RFTN1: variants seen among roughly 807,000 people sequenced by gnomAD.
RFTN1 encodes raftlin, lipid raft linker 1.
Under a neutral mutation model 46.5 loss-of-function variants are expected in RFTN1, and 26 were observed. The observed-to-expected ratio is 0.56, with a 90% CI of 0.41 to 0.78. The LOEUF is 0.78. RFTN1 is among the 30% of genes least tolerant of loss of function. The pLI, the probability that RFTN1 is intolerant of heterozygous loss-of-function variation, is 0.00. For synonymous variants in RFTN1, 261 were observed against 284.2 expected (o/e 0.92, Z 0.82); for missense variants, 693 against 718.7 (o/e 0.96, Z 0.41).
At chr3:16,461,891 T>A (rs1440130961) in intron 2 of RFTN1, among the ~76,000 whole-genome samples, 1 of 152,242 alleles carries the variant, frequency 6.6e-6, no homozygotes, top group Non-Finnish European at 1.5e-5. Flanking sequence ...CTCCATTATC[T>A]GGCAGATTAA....
Position 16,504,652 on chromosome 3 carries a change from C to T in RFTN1, c.-9+8790G>A, listed in dbSNP as rs142616497. Among the ~76,000 whole-genome samples, 115 of 152,314 alleles carry T rather than the reference C, an allele frequency of 7.6e-4. 1 individual carries two copies. In the Middle Eastern group the frequency reaches 0.017, roughly 23 times the overall value. On this transcript the variant is annotated intron_variant, in intron 1 of 9. Coordinates refer to ENST00000334133, the MANE Select transcript of RFTN1 (RefSeq NM_015150.2). This position sits in a 1 kb window ranked among gnomAD's most constrained non-coding sequence, Gnocchi z 4.4. ...TATGTATGCTCAAAAAAGTTACTTA[C>T]ATGCTATTGTCTCTCCCTTAGCACT...
At chr3:16,372,563 G>C (rs1021709312) in intron 5 of RFTN1, among the ~76,000 whole-genome samples, 3 of 152,230 alleles carry the variant, frequency 2.0e-5, no homozygotes, top group African/African-American at 7.2e-5. Flanking sequence ...CTCTGTGTGG[G>C]AGAAGTAGGT....
chr3:16,416,989 C>A (rs1374901411), intron 3 of RFTN1, among the ~76,000 whole-genome samples: 1 of 150,476 alleles, frequency 6.6e-6, no homozygotes, highest in Non-Finnish European at 1.5e-5. Context: ...TACCCATTTC[C>A]AGAACTTGTT....
chr3:16,406,151 C>T (rs1248352806), intron 4 of RFTN1, among the ~76,000 whole-genome samples: 1 of 152,162 alleles, frequency 6.6e-6, no homozygotes, highest in Non-Finnish European at 1.5e-5. Flanking sequence ...GGAATAGCCA[C>T]GGGTGTTGGA....
chr3:16,411,860 C>A (rs1236260971), intron 3 of RFTN1, among the ~76,000 whole-genome samples: 1 of 152,166 alleles, frequency 6.6e-6, no homozygotes, highest in Non-Finnish European at 1.5e-5. Context: ...AAACTATAAT[C>A]ATTTTAAATA....
rs929300851 is a variant in RFTN1, at chr3:16,429,530, T to C, written c.332+4321A>G. Among the ~76,000 whole-genome samples the C allele has an allele frequency of 1.3e-5, 2 of 152,214 alleles. No individual in the cohort carries two copies. The highest frequency in any genetic ancestry group is 2.9e-5 in the Non-Finnish European group (2 of 68,026). On this transcript the variant is annotated intron_variant, in intron 3 of 9. Coordinates refer to ENST00000334133, the MANE Select transcript of RFTN1 (RefSeq NM_015150.2). This position sits in a 1 kb window ranked among gnomAD's most constrained non-coding sequence, Gnocchi z 6.4. The stretch of plus-strand genomic sequence containing the variant: ...CTCCTTCTCCCAAACTCCTGTGGCA[T>C]GAGGCACATATCTCATTTACTTAAT...
chr3:16,468,355 G>C lies in RFTN1; in HGVS notation c.145+25370C>G, dbSNP rs1488451753. Among the ~76,000 whole-genome samples, 6 of 152,080 alleles carry C rather than the reference G, an allele frequency of 3.9e-5. No individual in the cohort carries two copies. Among genetic ancestry groups the C allele is most frequent in the African/African-American group, 1.4e-4 (6 of 41,402 alleles). On this transcript the variant is annotated intron_variant, in intron 2 of 9. Transcript: ENST00000334133. The surrounding 1 kb of genome is among the most constrained non-coding windows in gnomAD (Gnocchi z 4.4). Reference sequence around the variant, plus strand: ...TCTCGAGTTTCCGGTAGATAAGTAGGGCTCCCTTAGATGCTGTCTGCCTAT... The same window carrying C: ...TCTCGAGTTTCCGGTAGATAAGTAGCGCTCCCTTAGATGCTGTCTGCCTAT...
intron 2 of RFTN1, among the ~76,000 whole-genome samples, chr3:16,455,031 AG>A (rs925606014): frequency 6.6e-5 from 10 of 152,116 alleles, no homozygotes; most frequent in Non-Finnish European, 1.3e-4. Context: ...AGGTCTTCCA[AG>A]GGTAAGGAAA....
At chr3:16,331,731 GT>G (rs2070333066) in intron 7 of RFTN1, among the ~76,000 whole-genome samples, 1 of 152,084 alleles carries the variant, frequency 6.6e-6, no homozygotes, top group East Asian at 1.9e-4. Flanking sequence ...TGGGTTCTTC[GT>G]AAATTACTGT....
chr3:16,494,805 C>T (rs1412307197), intron 1 of RFTN1, among the ~76,000 whole-genome samples: 1 of 152,216 alleles, frequency 6.6e-6, no homozygotes, highest in African/African-American at 2.4e-5. Flanking sequence ...ATAAACGATG[C>T]TTTCCTCCTC....
At chr3:16,340,187 G>A (rs1175633633) in intron 7 of RFTN1, among the ~76,000 whole-genome samples, 1 of 152,222 alleles carries the variant, frequency 6.6e-6, no homozygotes, top group African/African-American at 2.4e-5. Flanking sequence ...GGTAGTGCCT[G>A]TTTCTCCATC....
chr3:16,355,948 A>G (rs1335311668), intron 7 of RFTN1, among the ~76,000 whole-genome samples: 4 of 152,184 alleles, frequency 2.6e-5, no homozygotes, highest in African/African-American at 4.8e-5. Flanking sequence ...ACACATCCCC[A>G]TGGCCTGCCA....
At position 16,446,802 on chromosome 3, in the gene RFTN1, G is replaced by A. The variant is rs1468607038; in HGVS notation, c.146-12765C>T. ...TGAGTTTGGCATCTACACAGGAAAC[G>A]AGGTCATTTCTTTTTCTCCTGAGTT... On this transcript the variant is annotated intron_variant, in intron 2 of 9. Transcript: ENST00000334133. The surrounding 1 kb of genome is among the most constrained non-coding windows in gnomAD (Gnocchi z 4.5). Among the ~76,000 whole-genome samples, 1 of 152,152 alleles carries A rather than the reference G, an allele frequency of 6.6e-6. No homozygotes were observed. Among genetic ancestry groups the A allele is most frequent in the Non-Finnish European group, 1.5e-5 (1 of 68,020 alleles).
At chr3:16,390,851 C>T (rs969626791) in intron 4 of RFTN1, among the ~76,000 whole-genome samples, 2 of 152,172 alleles carry the variant, frequency 1.3e-5, no homozygotes, top group Admixed American at 1.3e-4. Context: ...ACCAACTGAA[C>T]GATGAATAGT....
Position 16,383,921 on chromosome 3 carries a change from A to G in RFTN1, c.442-5819T>C, listed in dbSNP as rs2074078766. Among the ~76,000 whole-genome samples the G allele has an allele frequency of 6.6e-6, 1 of 152,210 alleles. No homozygotes were observed. The highest frequency in any genetic ancestry group is 2.4e-5 in the African/African-American group (1 of 41,450). On this transcript the variant is annotated intron_variant, in intron 4 of 9. Coordinates refer to ENST00000334133, the MANE Select transcript of RFTN1 (RefSeq NM_015150.2). The surrounding 1 kb of genome is among the most constrained non-coding windows in gnomAD (Gnocchi z 4.0). ...TGGTGTCACAGTTAATTTTATGTCC[A>G]CTTGACTGAACTATGGTGACCAATT...
In RFTN1 at chr3:16,473,830, C is replaced by G. The variant is rs1036965432; in HGVS notation, c.145+19895G>C. On this transcript the variant is annotated intron_variant, in intron 2 of 9. Coordinates refer to ENST00000334133, the MANE Select transcript of RFTN1 (RefSeq NM_015150.2). This position sits in a 1 kb window ranked among gnomAD's most constrained non-coding sequence, Gnocchi z 5.3. ...GTCCTCCCACTTCTCCCTATCCTTC[C>G]CTGTCCTAGAAGCACGAAACCTACC... 6.6e-6 allele frequency among the ~76,000 whole-genome samples: 1 copy of G among 152,208 alleles called. No homozygotes were observed. The highest frequency in any genetic ancestry group is 1.5e-5 in the Non-Finnish European group (1 of 68,032).
chr3:16,322,569 G>A lies in RFTN1; in HGVS notation c.1332+807C>T, dbSNP rs1364159154. 1.3e-5 allele frequency among the ~76,000 whole-genome samples: 2 copies of A among 152,294 alleles called. No homozygotes were observed. Among genetic ancestry groups the A allele is most frequent in the South Asian group, 2.1e-4 (1 of 4,824 alleles). ...GACTCAGGCTTTGGTGTGTCCACTC[G>A]ACTCACTGGCCTCTTCCCCAGCAAC... is the stretch of plus-strand genomic sequence containing the variant. On this transcript the variant is annotated intron_variant, in intron 9 of 9. Transcript: ENST00000334133. This position sits in a 1 kb window ranked among gnomAD's most constrained non-coding sequence, Gnocchi z 6.2.
Position 16,348,509 on chromosome 3 carries a change from C to T in RFTN1, c.1146+9423G>A, listed in dbSNP as rs2071884442. Among the ~76,000 whole-genome samples the T allele has an allele frequency of 2.0e-5, 3 of 152,158 alleles. No individual in the cohort carries two copies. In the South Asian group the frequency reaches 6.2e-4, roughly 32 times the overall value. ...ATACCCAGCTGGAGCCCACTGTGTC[C>T]AGGAGGCCTTGTTCAGTCTCTGCTC... On this transcript the variant is annotated intron_variant, in intron 7 of 9. Coordinates refer to ENST00000334133, the MANE Select transcript of RFTN1 (RefSeq NM_015150.2). This position sits in a 1 kb window ranked among gnomAD's most constrained non-coding sequence, Gnocchi z 6.3.
rs113444817 is a variant in RFTN1 at position 16,363,687 on chromosome 3, A to G, written c.1031-5640T>C. Among the ~76,000 whole-genome samples, 879 of 152,296 alleles carry G rather than the reference A, an allele frequency of 5.8e-3. 9 individuals carry two copies. Among genetic ancestry groups the G allele is most frequent in the African/African-American group, 0.019 (803 of 41,552 alleles). On this transcript the variant is annotated intron_variant, in intron 6 of 9. Transcript: ENST00000334133. ...GACAAGCGGTCAATGCATTTGGTCT[A>G]TTTTTGCAGGGTTAAAGACAAAGTG... is the stretch of plus-strand genomic sequence containing the variant.
Sources: allele counts gnomAD v4.1 joint callset (sites outside exome capture counted in the v4.1 genomes callset), GRCh38; gene constraint gnomAD v4.1.1; non-coding constraint Gnocchi (gnomAD v3.1); transcripts MANE v1.5; gene names NCBI Gene and HGNC (gene_info 2026-07-23, HGNC 2026-07-21).